The following FOSL2 variants were observed in gnomAD, a reference collection of about 807,000 sequenced individuals.
The protein encoded by FOSL2 is fos-related antigen 2.
A neutral mutation model predicts 27.7 loss-of-function variants in FOSL2; 3 were observed. That is an observed-to-expected ratio of 0.11 (90% CI 0.05 to 0.28). The LOEUF (loss-of-function observed/expected upper bound fraction) is 0.28, where lower values mean the gene tolerates loss of function less well. Ranked by LOEUF, FOSL2 falls within the 10% of genes least tolerant of loss-of-function variation. The pLI, the probability that FOSL2 is intolerant of heterozygous loss-of-function variation, is 1.00. For synonymous variants in FOSL2, 179 were observed against 190.1 expected, an observed-to-expected ratio of 0.94 and a Z score of 0.48; for missense variants, 333 against 445.1, an observed-to-expected ratio of 0.75 and a Z score of 2.27.
rs897167074 is a variant in FOSL2 at position 28,413,895 on chromosome 2, T to C, written c.*1447T>C. On this transcript the variant is annotated 3_prime_UTR_variant, in exon 4 of 4. Transcript: ENST00000264716. Reference sequence around the variant, plus strand: ...GGAATTGGAGATAGGATGTTTTGCTTCCCACTGCAGGAGAGCTGCCCCCTT... The same window carrying C: ...GGAATTGGAGATAGGATGTTTTGCTCCCCACTGCAGGAGAGCTGCCCCCTT... 8 of 398,518 alleles carry C rather than the reference T, an allele frequency of 2.0e-5. No homozygotes were observed. Among genetic ancestry groups the C allele is most frequent in the African/African-American group, 1.6e-4 (8 of 48,626 alleles). The allele number at this position is 398,518 out of a possible 1,614,324, so 24.7% of individuals were successfully genotyped here.
In FOSL2 at chr2:28,412,470, G is replaced by A. The variant is rs1334136181; in HGVS notation, c.*22G>A. ...GTAACCCAGTGCACCTCCCTCCCCA[G>A]CTCCGGAGGGGGTCCTCCTCGCTCC... On this transcript the variant is annotated 3_prime_UTR_variant, in exon 4 of 4. Transcript: ENST00000264716. This position sits in a 1 kb window ranked among gnomAD's most constrained non-coding sequence, Gnocchi z 7.1. The A allele has an allele frequency of 2.5e-6, 4 of 1,588,408 alleles. No individual in the cohort carries two copies. In the South Asian group the frequency reaches 4.4e-5, roughly 18 times the overall value.
Position 28,413,635 on chromosome 2 carries a change from G to T in FOSL2, c.*1187G>T. Reference sequence around the variant, plus strand: ...TGCAGCAGCTGCTGCCCCAGCACCCGCTCAGCCTGTCCTGGCTGCTCACCT... The same window carrying T: ...TGCAGCAGCTGCTGCCCCAGCACCCTCTCAGCCTGTCCTGGCTGCTCACCT... On this transcript the variant is annotated 3_prime_UTR_variant, in exon 4 of 4. Coordinates refer to ENST00000264716, the MANE Select transcript of FOSL2 (RefSeq NM_005253.4). 1 of 398,952 alleles carries T rather than the reference G, an allele frequency of 2.5e-6. No homozygotes were observed. Among genetic ancestry groups the T allele is most frequent in the Non-Finnish European group, 4.4e-6 (1 of 226,334 alleles). 24.7% of individuals were successfully genotyped at this position (398,952 alleles called of 1,614,324 possible).
In FOSL2 at chr2:28,412,984, G is replaced by T. The variant is rs184763141; in HGVS notation, c.*536G>T. 78 of 160,614 alleles carry T rather than the reference G, an allele frequency of 4.9e-4. No homozygotes were observed. The highest frequency in any genetic ancestry group is 1.8e-3 in the African/African-American group (74 of 41,832). 9.9% of individuals were successfully genotyped at this position (160,614 alleles called of 1,614,324 possible). A position where few individuals can be genotyped will look rare whatever the true frequency, so the allele number is the denominator to read the frequency against. On this transcript the variant is annotated 3_prime_UTR_variant, in exon 4 of 4. Coordinates refer to ENST00000264716, the MANE Select transcript of FOSL2 (RefSeq NM_005253.4). The surrounding 1 kb of genome is among the most constrained non-coding windows in gnomAD (Gnocchi z 7.1). ...CTTCATTTCTGGAGATGGGGCAGCA[G>T]GTGGCTCTTCTGCTGGGGCTGACTT... is the stretch of plus-strand genomic sequence containing the variant.
At chr2:28,407,397 GGATTGTCCTCTCTGGTGCTGTGAT>G (rs1664105826) in intron 2 of FOSL2, among the ~76,000 whole-genome samples, 2 of 152,200 alleles carry the variant, frequency 1.3e-5, no homozygotes, top group African/African-American at 4.8e-5. Context: ...GACAGGCATG[GGATTGTCCTCTCTGGTGCTGTGAT>G]GATTGTCCTC....
chr2:28,409,555 C>T (rs564555344), intron 3 of FOSL2, among the ~76,000 whole-genome samples: 37 of 152,084 alleles, frequency 2.4e-4, no homozygotes, highest in Non-Finnish European at 4.4e-4. Context: ...ACCAACGTCA[C>T]GTAACTCCCT....
intron 2 of FOSL2, among the ~76,000 whole-genome samples, chr2:28,406,575 G>A (rs1449638434): frequency 6.6e-6 from 1 of 152,220 alleles, no homozygotes; most frequent in Non-Finnish European, 1.5e-5. Context: ...CTTTGGCCCT[G>A]TGGTTTTCCC....
intron 1 of FOSL2, among the ~76,000 whole-genome samples, chr2:28,402,165 C>T (rs1353922806): frequency 2.0e-5 from 3 of 152,084 alleles, no homozygotes; most frequent in Non-Finnish European, 4.4e-5. Context: ...GGCTCTCCTC[C>T]CGAATCCCAG....
chr2:28,409,464 G>A (rs1572494515), intron 3 of FOSL2, among the ~76,000 whole-genome samples: 1 of 152,198 alleles, frequency 6.6e-6, no homozygotes, highest in South Asian at 2.1e-4. Context: ...TGCTGCTCTT[G>A]TGAGTCACTC....
rs1159329117 is a variant in FOSL2 at position 28,416,813 on chromosome 2, T to C, written c.*4365T>C. On this transcript the variant is annotated 3_prime_UTR_variant, in exon 4 of 4. Transcript: ENST00000264716. The stretch of plus-strand genomic sequence containing the variant: ...ATATATATAGTATTTTGGTGTATAG[T>C]AGAAAATAAGCTTTGTGCATCTGTA... The C allele has an allele frequency of 1.3e-5, 2 of 152,166 alleles. No homozygotes were observed. The highest frequency in any genetic ancestry group is 4.8e-5 in the African/African-American group (2 of 41,432). 9.4% of individuals were successfully genotyped at this position (152,166 alleles called of 1,614,324 possible).
At chr2:28,410,500 G>C (rs779675884) in intron 3 of FOSL2, 4 of 984,144 alleles carry the variant, frequency 4.1e-6, no homozygotes, top group Non-Finnish European at 4.8e-6. Flanking sequence ...CATGACGTTC[G>C]TCAGACCCTT....
At chr2:28,406,801 T>TCCCCAGCCTC (rs1207274911) in intron 2 of FOSL2, among the ~76,000 whole-genome samples, 1 of 151,960 alleles carries the variant, frequency 6.6e-6, no homozygotes, top group Non-Finnish European at 1.5e-5. Context: ...ACTCCGGCCG[T>TCCCCAGCCTC]CCCCAGCCTC....
chr2:28,394,153 CCCT>C lies in FOSL2; in HGVS notation c.102+332_102+334del, dbSNP rs1558563243. Among the ~76,000 whole-genome samples, 69 of 138,748 alleles carry C rather than the reference CCCT, an allele frequency of 5.0e-4. 2 individuals carry two copies. Among genetic ancestry groups the C allele is most frequent in the African/African-American group, 1.9e-3 (62 of 33,044 alleles). 91.0% of individuals were successfully genotyped at this position (138,748 alleles called of 152,430 possible). A position where few individuals can be genotyped will look rare whatever the true frequency, so the allele number is the denominator to read the frequency against. ...CCAGTGTCTGCCCCCCCCCCCCCAC[CCCT>C]GCCCCGCGTCTTCTCTCTGGGTGGT... On this transcript the variant is annotated intron_variant, in intron 1 of 3. Transcript: ENST00000264716.
chr2:28,398,739 A>G (rs1402342490), intron 1 of FOSL2, among the ~76,000 whole-genome samples: 1 of 152,256 alleles, frequency 6.6e-6, no homozygotes, highest in Non-Finnish European at 1.5e-5. Context: ...ATAAACTGTA[A>G]CGCTTTGGGA....
At chr2:28,407,933 C>T (rs1345553645) in intron 2 of FOSL2, among the ~76,000 whole-genome samples, 1 of 152,220 alleles carries the variant, frequency 6.6e-6, no homozygotes, top group African/African-American at 2.4e-5. Flanking sequence ...ATCCTAAGCT[C>T]TTTGCAGGGG....
At position 28,414,062 on chromosome 2, in the gene FOSL2, C is replaced by T. The variant is rs1664263017; in HGVS notation, c.*1614C>T. The T allele has an allele frequency of 2.6e-6, 1 of 381,600 alleles. No homozygotes were observed. Among genetic ancestry groups the T allele is most frequent in the East Asian group, 3.7e-5 (1 of 26,898 alleles). 23.6% of individuals were successfully genotyped at this position (381,600 alleles called of 1,614,324 possible). ...TGTCCAGCAGGGCCTTGACAGGAAT[C>T]CAGGGAGTAGCTCCTGGCCAGAACC... On this transcript the variant is annotated 3_prime_UTR_variant, in exon 4 of 4. Transcript: ENST00000264716.
At chr2:28,411,894 G>T (rs749954232) in intron 3 of FOSL2, 36 bp from the exon 4 acceptor site, 2 of 1,613,478 alleles carry the variant, frequency 1.2e-6, no homozygotes, top group Non-Finnish European at 1.7e-6. Flanking sequence ...TCCCTGGCAG[G>T]TTGCTGTCCC....
rs1664319337 is a variant in FOSL2, at chr2:28,416,751, G to A, written c.*4303G>A. Reference sequence around the variant, plus strand: ...AATATTTGACTTTGTGTAAAGAGTAGGGTATCAGGGTGTCTTTTCTGCCGT... The same window carrying A: ...AATATTTGACTTTGTGTAAAGAGTAAGGTATCAGGGTGTCTTTTCTGCCGT... On this transcript the variant is annotated 3_prime_UTR_variant, in exon 4 of 4. Coordinates refer to ENST00000264716, the MANE Select transcript of FOSL2 (RefSeq NM_005253.4). 6.6e-6 allele frequency: 1 copy of A among 151,998 alleles called. No homozygotes were observed. Among genetic ancestry groups the A allele is most frequent in the Non-Finnish European group, 1.5e-5 (1 of 68,012 alleles). 9.4% of individuals were successfully genotyped at this position (151,998 alleles called of 1,614,324 possible). A position where few individuals can be genotyped will look rare whatever the true frequency, so the allele number is the denominator to read the frequency against.
Position 28,413,933 on chromosome 2 carries a change from G to T in FOSL2, c.*1485G>T, listed in dbSNP as rs1664260524. The T allele has an allele frequency of 5.0e-6, 2 of 397,918 alleles. No homozygotes were observed. The highest frequency in any genetic ancestry group is 7.1e-5 in the East Asian group (2 of 28,064). 24.6% of individuals were successfully genotyped at this position (397,918 alleles called of 1,614,324 possible). ...GAGCTGCCCCCTTTCACGGGGTTGG[G>T]GAAGGGTCCCCCTGGCCTCCAGCAG... is the stretch of plus-strand genomic sequence containing the variant. On this transcript the variant is annotated 3_prime_UTR_variant, in exon 4 of 4. Transcript: ENST00000264716.
intron 1 of FOSL2, chr2:28,395,894 T>C (rs1663822934): frequency 6.6e-6 from 1 of 152,134 alleles, no homozygotes; most frequent in African/African-American, 2.4e-5. Context: ...GTGAACAAAA[T>C]TGTTCTGTGG....
Sources: allele counts gnomAD v4.1 joint callset (sites outside exome capture counted in the v4.1 genomes callset), GRCh38; gene constraint gnomAD v4.1.1; non-coding constraint Gnocchi (gnomAD v3.1); transcripts MANE v1.5; gene names NCBI Gene and HGNC (gene_info 2026-07-23, HGNC 2026-07-21).